The following RHEB variants were observed in gnomAD, a reference collection of about 807,000 sequenced individuals.
The protein encoded by RHEB is Ras homolog, mTORC1 binding, also known as GTP-binding protein Rheb.
A neutral mutation model predicts 28.8 loss-of-function variants in RHEB; 2 were observed. The observed-to-expected ratio is 0.07, with a 90% CI of 0.03 to 0.22. The LOEUF (loss-of-function observed/expected upper bound fraction) is 0.22. Among genes scored for constraint, RHEB ranks in the 10% least tolerant of loss-of-function variants. The pLI is 1.00. For synonymous variants in RHEB, 69 were observed against 77.3 expected, an observed-to-expected ratio of 0.89 and a Z score of 0.56; for missense variants, 76 against 219.9, an observed-to-expected ratio of 0.35 and a Z score of 4.14.
intron 3 of RHEB, among the ~76,000 whole-genome samples, chr7:151,477,824 T>C (rs1187576179): frequency 6.6e-6 from 1 of 152,168 alleles, no homozygotes; most frequent in African/African-American, 2.4e-5. Context: ...GAAACTGGCA[T>C]ATTATTTGAT....
chr7:151,513,368 T>C (rs572453362), intron 1 of RHEB, among the ~76,000 whole-genome samples: 9 of 152,362 alleles, frequency 5.9e-5, no homozygotes, highest in South Asian at 2.1e-4. Flanking sequence ...ACTGGTAGCA[T>C]GTTGCCAAGG....
intron 1 of RHEB, among the ~76,000 whole-genome samples, chr7:151,513,779 G>A (rs1001324825): frequency 1.3e-5 from 2 of 152,140 alleles, no homozygotes; most frequent in East Asian, 1.9e-4. Flanking sequence ...TTAAAATAAC[G>A]TTAAGGGAAT....
At chr7:151,511,107 G>C (rs935070229) in intron 1 of RHEB, among the ~76,000 whole-genome samples, 23 of 151,954 alleles carry the variant, frequency 1.5e-4, no homozygotes, top group African/African-American at 5.5e-4. Flanking sequence ...AAAAAATAAA[G>C]CTAGCAAAAT....
chr7:151,480,612 C>A (rs1802365679), intron 3 of RHEB, among the ~76,000 whole-genome samples: 1 of 151,536 alleles, frequency 6.6e-6, no homozygotes, highest in Non-Finnish European at 1.5e-5. Flanking sequence ...AAATTAAACT[C>A]AATTTTCAAA....
At chr7:151,488,653 T>C (rs1227353965) in intron 2 of RHEB, among the ~76,000 whole-genome samples, 1 of 152,240 alleles carries the variant, frequency 6.6e-6, no homozygotes, top group African/African-American at 2.4e-5. Context: ...GAACTTTTAA[T>C]GGATACATAT....
At position 151,472,494 on chromosome 7, in the gene RHEB, C is replaced by T. The variant is rs141051677; in HGVS notation, c.276-889G>A. The stretch of plus-strand genomic sequence containing the variant: ...TTCTGACCTCGTGATCCGCCTGCCT[C>T]GGCCTCCCAAAGTGCTGGGATTACA... On this transcript the variant is annotated intron_variant, in intron 4 of 7. Coordinates refer to ENST00000262187, the MANE Select transcript of RHEB (RefSeq NM_005614.4). This position sits in a 1 kb window ranked among gnomAD's most constrained non-coding sequence, Gnocchi z 5.2. Among the ~76,000 whole-genome samples the T allele has an allele frequency of 1.3e-5, 2 of 152,328 alleles. No individual in the cohort carries two copies. Among genetic ancestry groups the T allele is most frequent in the Admixed American group, 6.5e-5 (1 of 15,308 alleles).
At chr7:151,494,988 A>C (rs1236827434) in intron 1 of RHEB, among the ~76,000 whole-genome samples, 1 of 152,224 alleles carries the variant, frequency 6.6e-6, no homozygotes, top group Non-Finnish European at 1.5e-5. Context: ...TCTGGCTTTA[A>C]GGAGTGTCTT....
chr7:151,479,545 T>A (rs567289958), intron 3 of RHEB, among the ~76,000 whole-genome samples: 2 of 151,920 alleles, frequency 1.3e-5, no homozygotes, highest in East Asian at 1.9e-4. Flanking sequence ...TAGCTGGGCG[T>A]GGTGGCGGGC....
intron 2 of RHEB, among the ~76,000 whole-genome samples, chr7:151,489,956 C>T (rs1014735606): frequency 1.1e-4 from 16 of 152,184 alleles, no homozygotes; most frequent in Non-Finnish European, 1.8e-4. Context: ...AAATATGCTT[C>T]GTGTCTAATA....
At chr7:151,500,062 A>G (rs1234692601) in intron 1 of RHEB, among the ~76,000 whole-genome samples, 2 of 152,190 alleles carry the variant, frequency 1.3e-5, no homozygotes, top group Admixed American at 6.5e-5. Context: ...CTGTCCTCCC[A>G]AAGTGCTGAG....
intron 3 of RHEB, among the ~76,000 whole-genome samples, 166 bp from the exon 4 acceptor site, chr7:151,477,581 A>C (rs541067989): frequency 6.6e-6 from 1 of 152,286 alleles, no homozygotes; most frequent in East Asian, 1.9e-4. Context: ...AATGGCCTGG[A>C]GGTGATAATG....
At chr7:151,476,331 G>C (rs1311276782) in intron 4 of RHEB, among the ~76,000 whole-genome samples, 1 of 152,096 alleles carries the variant, frequency 6.6e-6, no homozygotes, top group Non-Finnish European at 1.5e-5. Flanking sequence ...ACCTGAAATG[G>C]GGCTACTGTA....
At chr7:151,502,538 C>G in intron 1 of RHEB, 1 of 1,029,858 alleles carries the variant, frequency 9.7e-7, no homozygotes, top group Non-Finnish European at 1.5e-6. Flanking sequence ...ATCTTTCAAA[C>G]CAATTAATAC....
At chr7:151,479,674 C>T (rs1248362684) in intron 3 of RHEB, among the ~76,000 whole-genome samples, 2 of 131,368 alleles carry the variant, frequency 1.5e-5, no homozygotes, top group African/African-American at 2.9e-5. Context: ...TAGAGCGAGA[C>T]TCCGTCTCAA....
At chr7:151,502,259 G>A in intron 1 of RHEB, 1 of 584,462 alleles carries the variant, frequency 1.7e-6, no homozygotes, top group Non-Finnish European at 3.1e-6. Flanking sequence ...GAGCTTGGAG[G>A]CAGCCTGCAG....
At chr7:151,497,355 G>A (rs767204167) in intron 1 of RHEB, among the ~76,000 whole-genome samples, 2 of 152,114 alleles carry the variant, frequency 1.3e-5, no homozygotes, top group South Asian at 2.1e-4. Flanking sequence ...TACTGGATGC[G>A]CAATTCCAGA....
chr7:151,504,457 G>C (rs995051336), intron 1 of RHEB, among the ~76,000 whole-genome samples: 1 of 152,084 alleles, frequency 6.6e-6, no homozygotes, highest in East Asian at 1.9e-4. Flanking sequence ...ATGAAAAGTC[G>C]GCCCTCCATA....
chr7:151,502,064 T>C, intron 1 of RHEB: 1 of 403,228 alleles, frequency 2.5e-6, no homozygotes, highest in Non-Finnish European at 4.6e-6. Flanking sequence ...GGTGAAACCC[T>C]GTCTCTACTA....
chr7:151,515,037 T>C (rs1803050995), intron 1 of RHEB, among the ~76,000 whole-genome samples: 1 of 130,924 alleles, frequency 7.6e-6, no homozygotes, highest in Non-Finnish European at 1.5e-5. Flanking sequence ...AGACCCTGCC[T>C]CAGAAAAGTA....
Sources: allele counts gnomAD v4.1 joint callset (sites outside exome capture counted in the v4.1 genomes callset), GRCh38; gene constraint gnomAD v4.1.1; non-coding constraint Gnocchi (gnomAD v3.1); transcripts MANE v1.5; gene names NCBI Gene and HGNC (gene_info 2026-07-23, HGNC 2026-07-21).